AIG1: variants seen among roughly 807,000 people sequenced by gnomAD.
AIG1 encodes androgen induced 1, also known as androgen-induced gene 1 protein.
In AIG1, 23 loss-of-function variants were observed where a neutral mutation model predicts 31.4. That is an observed-to-expected ratio of 0.73 (90% CI 0.53 to 1.04). The LOEUF (loss-of-function observed/expected upper bound fraction) is 1.04, where lower values mean the gene tolerates loss of function less well. Ranked by LOEUF, AIG1 falls within the 50% of genes least tolerant of loss-of-function variation. AIG1 has a pLI of 0.00. For missense variants in AIG1, 274 were observed against 295.0 expected, an observed-to-expected ratio of 0.93 and a Z score of 0.52; for synonymous variants, 100 against 110.5, an observed-to-expected ratio of 0.90 and a Z score of 0.60.
At chr6:143,138,008 G>T (rs1316020593) in intron 2 of AIG1, among the ~76,000 whole-genome samples, 1 of 152,154 alleles carries the variant, frequency 6.6e-6, no homozygotes, top group Non-Finnish European at 1.5e-5. Context: ...GCTGGTAGAA[G>T]GCCCTACATG....
Position 143,279,406 on chromosome 6 carries a change from A to G in AIG1, c.400-4704A>G, listed in dbSNP as rs920348487. 1.3e-5 allele frequency among the ~76,000 whole-genome samples: 2 copies of G among 152,258 alleles called. No homozygotes were observed. Among genetic ancestry groups the G allele is most frequent in the Non-Finnish European group, 2.9e-5 (2 of 68,040 alleles). On this transcript the variant is annotated intron_variant, in intron 3 of 5. Transcript: ENST00000357847. The surrounding 1 kb of genome is among the most constrained non-coding windows in gnomAD (Gnocchi z 5.4). ...AGTGAGGAAGGACAAAATCAGAACT[A>G]GATCTCAGATGCCAGCCTCCTAATC...
intron 2 of AIG1, among the ~76,000 whole-genome samples, chr6:143,143,224 C>T (rs1471368928): frequency 2.6e-5 from 4 of 151,374 alleles, no homozygotes; most frequent in East Asian, 3.9e-4. Flanking sequence ...AATTGTTTAC[C>T]TTATTCCACA....
chr6:143,138,620 G>A (rs140621795), intron 2 of AIG1, among the ~76,000 whole-genome samples: 3 of 152,230 alleles, frequency 2.0e-5, no homozygotes, highest in South Asian at 2.1e-4. Flanking sequence ...TAGGCCAGGC[G>A]CAGTGGCTCA....
intron 2 of AIG1, among the ~76,000 whole-genome samples, chr6:143,152,509 T>C (rs1165687782): frequency 6.6e-6 from 1 of 152,208 alleles, no homozygotes; most frequent in East Asian, 1.9e-4. Flanking sequence ...CCCTAACATA[T>C]TAAAAGGTCT....
At position 143,291,876 on chromosome 6, in the gene AIG1, G is replaced by A. The variant is rs944744099; in HGVS notation, c.515+7651G>A. Among the ~76,000 whole-genome samples the A allele has an allele frequency of 3.9e-5, 6 of 152,210 alleles. No individual in the cohort carries two copies. Among genetic ancestry groups the A allele is most frequent in the Non-Finnish European group, 8.8e-5 (6 of 68,044 alleles). On this transcript the variant is annotated intron_variant, in intron 4 of 5. Transcript: ENST00000357847. The surrounding 1 kb of genome is among the most constrained non-coding windows in gnomAD (Gnocchi z 4.2). Reference sequence around the variant, plus strand: ...CCTTAATTCAGATTGGCAGTCATTGGAAGGTTTGGACAGAGACTTGACATG... The same window carrying A: ...CCTTAATTCAGATTGGCAGTCATTGAAAGGTTTGGACAGAGACTTGACATG...
Position 143,292,283 on chromosome 6 carries a change from G to A in AIG1, c.515+8058G>A, listed in dbSNP as rs1798110161. Among the ~76,000 whole-genome samples the A allele has an allele frequency of 6.6e-6, 1 of 152,228 alleles. No individual in the cohort carries two copies. Among genetic ancestry groups the A allele is most frequent in the African/African-American group, 2.4e-5 (1 of 41,464 alleles). ...ACTTTGCAGGTGTGATTAAGGTAAG[G>A]ACCTTGTGATGGACAGGTTAGCCTG... On this transcript the variant is annotated intron_variant, in intron 4 of 5. Coordinates refer to ENST00000357847, the MANE Select transcript of AIG1 (RefSeq NM_016108.4). The surrounding 1 kb of genome is among the most constrained non-coding windows in gnomAD (Gnocchi z 4.9).
chr6:143,312,074 G>T (rs528808062), intron 4 of AIG1, among the ~76,000 whole-genome samples: 1 of 151,838 alleles, frequency 6.6e-6, no homozygotes, highest in Admixed American at 6.6e-5. Context: ...CACAAAAAGC[G>T]GAAGGATATT....
Position 143,256,833 on chromosome 6 carries a change from T to G in AIG1, c.400-27277T>G, listed in dbSNP as rs1017648882. The stretch of plus-strand genomic sequence containing the variant: ...ACAGTCCAAATTAGCTGGAAGATAC[T>G]TATTTTCTCTGACTCTTGTAAAAAT... On this transcript the variant is annotated intron_variant, in intron 3 of 5. Transcript: ENST00000357847. The surrounding 1 kb of genome is among the most constrained non-coding windows in gnomAD (Gnocchi z 4.6). Among the ~76,000 whole-genome samples the G allele has an allele frequency of 6.6e-6, 1 of 152,244 alleles. No individual in the cohort carries two copies. The highest frequency in any genetic ancestry group is 1.5e-5 in the Non-Finnish European group (1 of 68,038).
intron 3 of AIG1, among the ~76,000 whole-genome samples, chr6:143,211,724 C>G (rs1791603148): frequency 6.6e-6 from 1 of 152,024 alleles, no homozygotes; most frequent in African/African-American, 2.4e-5. Flanking sequence ...GAAATCCTGT[C>G]TCTACTAAAA....
intron 3 of AIG1, among the ~76,000 whole-genome samples, chr6:143,267,789 G>A (rs1796254525): frequency 6.6e-6 from 1 of 152,194 alleles, no homozygotes; most frequent in South Asian, 2.1e-4. Flanking sequence ...CTCTGTTCAT[G>A]AGGGAGGCTC....
intron 1 of AIG1, among the ~76,000 whole-genome samples, chr6:143,134,028 T>C (rs1783503902): frequency 6.6e-6 from 1 of 152,038 alleles, no homozygotes; most frequent in African/African-American, 2.4e-5. Flanking sequence ...CTAAGGGATA[T>C]TGAATTAGAA....
intron 1 of AIG1, chr6:143,094,277 G>T (rs1195646491): frequency 6.6e-6 from 1 of 152,166 alleles, no homozygotes; most frequent in Non-Finnish European, 1.5e-5. Context: ...TCATTTCAGG[G>T]TGGTAGATCT....
At chr6:143,156,527 T>G (rs949103497) in intron 2 of AIG1, among the ~76,000 whole-genome samples, 1 of 152,244 alleles carries the variant, frequency 6.6e-6, no homozygotes, top group African/African-American at 2.4e-5. Context: ...ATACATTTCC[T>G]TATAGTGATT....
intron 2 of AIG1, among the ~76,000 whole-genome samples, chr6:143,153,560 G>A (rs1439995731): frequency 6.6e-6 from 1 of 152,144 alleles, no homozygotes; most frequent in African/African-American, 2.4e-5. Context: ...TATTGGCCAG[G>A]CTGGTCTCGA....
chr6:143,243,235 G>T (rs1352677314), intron 3 of AIG1, among the ~76,000 whole-genome samples: 1 of 152,222 alleles, frequency 6.6e-6, no homozygotes, highest in Non-Finnish European at 1.5e-5. Context: ...AGGTGCTAAA[G>T]CCTTATTACA....
intron 2 of AIG1, among the ~76,000 whole-genome samples, chr6:143,137,504 A>G (rs190247543): frequency 1.3e-5 from 2 of 152,340 alleles, no homozygotes; most frequent in African/African-American, 4.8e-5. Context: ...CTTGAAAGGT[A>G]GGGTCCTTGG....
intron 2 of AIG1, among the ~76,000 whole-genome samples, chr6:143,144,614 A>G (rs990877446): frequency 6.6e-6 from 1 of 152,166 alleles, no homozygotes; most frequent in African/African-American, 2.4e-5. Flanking sequence ...CAAGTAAGAG[A>G]ATACCCTCAG....
chr6:143,264,402 C>G (rs1211231522), intron 3 of AIG1, among the ~76,000 whole-genome samples: 1 of 152,152 alleles, frequency 6.6e-6, no homozygotes, highest in Non-Finnish European at 1.5e-5. Flanking sequence ...CAGCAGGCAT[C>G]TTCAAGGCCC....
intron 2 of AIG1, among the ~76,000 whole-genome samples, chr6:143,147,461 T>C (rs1333829405): frequency 6.6e-6 from 1 of 151,970 alleles, no homozygotes; most frequent in African/African-American, 2.4e-5. Context: ...AAATCAACTA[T>C]GAAATAAGAA....
Sources: allele counts gnomAD v4.1 joint callset (sites outside exome capture counted in the v4.1 genomes callset), GRCh38; gene constraint gnomAD v4.1.1; non-coding constraint Gnocchi (gnomAD v3.1); transcripts MANE v1.5; gene names NCBI Gene and HGNC (gene_info 2026-07-23, HGNC 2026-07-21).